Variants in SLC25A21 observed in about 807,000 individuals in gnomAD.
SLC25A21 encodes solute carrier family 25 member 21, also known as mitochondrial 2-oxodicarboxylate carrier.
SLC25A21 carries 47 observed loss-of-function variants against 43.8 expected under a neutral mutation model. The observed-to-expected ratio is 1.07, with a 90% confidence interval of 0.85 to 1.37. SLC25A21 has a LOEUF of 1.37. Among genes scored for constraint, SLC25A21 ranks in the 40% most tolerant of loss-of-function variants. The pLI, the probability that SLC25A21 is intolerant of heterozygous loss-of-function variation, is 0.00. For synonymous variants in SLC25A21, 131 were observed against 121.3 expected, an observed-to-expected ratio of 1.08 and a Z score of -0.52; for missense variants, 352 against 350.2, an observed-to-expected ratio of 1.00 and a Z score of -0.04.
intron 1 of SLC25A21, among the ~76,000 whole-genome samples, chr14:37,012,616 T>G (rs1176415087): frequency 6.6e-6 from 1 of 152,226 alleles, no homozygotes; most frequent in Non-Finnish European, 1.5e-5. Context: ...AGGCAAATTC[T>G]GACTCATTAT....
At chr14:36,932,973 G>C (rs1892332180) in intron 1 of SLC25A21, among the ~76,000 whole-genome samples, 1 of 152,020 alleles carries the variant, frequency 6.6e-6, no homozygotes, top group Non-Finnish European at 1.5e-5. Context: ...CTTAAAAAAA[G>C]AACTAAATAA....
In SLC25A21 at chr14:36,679,038, G is replaced by A; in HGVS notation, c.*1620C>T. ...TTTAAACTGGCAAATGCACTCTTCA[G>A]AAATCCTTTTCTATCTGATCCACAT... On this transcript the variant is annotated 3_prime_UTR_variant, in exon 10 of 10. Coordinates refer to ENST00000331299, the MANE Select transcript of SLC25A21 (RefSeq NM_030631.4). The A allele has an allele frequency of 1.0e-6, 1 of 985,426 alleles. No homozygotes were observed. The highest frequency in any genetic ancestry group is 1.2e-6 in the Non-Finnish European group (1 of 829,964). The allele number at this position is 985,426 out of a possible 1,614,324, so 61.0% of individuals were successfully genotyped here. A position where few individuals can be genotyped will look rare whatever the true frequency, so the allele number is the denominator to read the frequency against.
chr14:37,110,998 T>C lies in SLC25A21; in HGVS notation c.70+61283A>G, dbSNP rs187918152. 1.3e-4 allele frequency among the ~76,000 whole-genome samples: 20 copies of C among 152,222 alleles called. No individual in the cohort carries two copies. The South Asian group carries it at 3.7e-3, about 28-fold the overall frequency. ...ATCATAATGCTATTGAGCAAGTTAA[T>C]GCAAAATACAGTGGAATAATACCTA... On this transcript the variant is annotated intron_variant, in intron 1 of 9. Coordinates refer to ENST00000331299, the MANE Select transcript of SLC25A21 (RefSeq NM_030631.4).
At chr14:36,852,556 G>A (rs1001485702) in intron 2 of SLC25A21, among the ~76,000 whole-genome samples, 1 of 152,162 alleles carries the variant, frequency 6.6e-6, no homozygotes, top group Non-Finnish European at 1.5e-5. Context: ...GGACCAGAAA[G>A]TAATATATAG....
chr14:36,721,774 C>T (rs900431923), intron 6 of SLC25A21, among the ~76,000 whole-genome samples: 4 of 152,222 alleles, frequency 2.6e-5, no homozygotes, highest in Non-Finnish European at 5.9e-5. Flanking sequence ...AAGGTCTTCC[C>T]TGAAGGCAGG....
chr14:37,055,560 A>T (rs77293695), intron 1 of SLC25A21, among the ~76,000 whole-genome samples: 2 of 152,096 alleles, frequency 1.3e-5, no homozygotes, highest in Non-Finnish European at 2.9e-5. Flanking sequence ...CTCTTGAAAC[A>T]TTCTTTCTGG....
At chr14:36,971,494 C>T (rs1348410272) in intron 1 of SLC25A21, among the ~76,000 whole-genome samples, 6 of 152,054 alleles carry the variant, frequency 3.9e-5, no homozygotes, top group South Asian at 2.1e-4. Context: ...GCCTTTCCTG[C>T]GTCCTATGTA....
At chr14:37,119,347 G>A (rs761135209) in intron 1 of SLC25A21, among the ~76,000 whole-genome samples, 9 of 152,072 alleles carry the variant, frequency 5.9e-5, no homozygotes, top group African/African-American at 1.2e-4. Context: ...TCAGGCATTC[G>A]AGACCAGCCT....
At chr14:36,968,234 G>C (rs2138682828) in intron 1 of SLC25A21, among the ~76,000 whole-genome samples, 1 of 152,300 alleles carries the variant, frequency 6.6e-6, no homozygotes, top group East Asian at 1.9e-4. Flanking sequence ...TCCTGTTATT[G>C]GTCCACATGC....
At chr14:36,724,735 C>T (rs1365928426) in intron 6 of SLC25A21, among the ~76,000 whole-genome samples, 2 of 152,068 alleles carry the variant, frequency 1.3e-5, no homozygotes, top group Non-Finnish European at 2.9e-5. Flanking sequence ...TGTCAAGACC[C>T]GTCATTGTCC....
Position 36,775,716 on chromosome 14 carries a change from T to C in SLC25A21, c.203+38202A>G, listed in dbSNP as rs1364995183. ...CAAATAGAGGGGCACTCACTCTACTTTCTCCCGTTGTTAAAGGCTGTGAGT... is the reference window on the plus strand; with the variant it reads ...CAAATAGAGGGGCACTCACTCTACTCTCTCCCGTTGTTAAAGGCTGTGAGT... On this transcript the variant is annotated intron_variant, in intron 3 of 9. Transcript: ENST00000331299. Among the ~76,000 whole-genome samples, 4 of 152,178 alleles carry C rather than the reference T, an allele frequency of 2.6e-5. No homozygotes were observed. In the East Asian group the frequency reaches 7.7e-4, roughly 29 times the overall value.
At chr14:37,125,411 T>C (rs1963280530) in intron 1 of SLC25A21, among the ~76,000 whole-genome samples, 1 of 152,202 alleles carries the variant, frequency 6.6e-6, no homozygotes, top group South Asian at 2.1e-4. Flanking sequence ...TTCTGAAAAT[T>C]ATCTCATATC....
Position 36,683,821 on chromosome 14 carries a change from T to G in SLC25A21, c.838+7A>C. 1 of 1,593,684 alleles carries G rather than the reference T, an allele frequency of 6.3e-7. No individual in the cohort carries two copies. Among genetic ancestry groups the G allele is most frequent in the South Asian group, 1.1e-5 (1 of 87,772 alleles). ...AGGAAGGATTAAATAATCAAAATTA[T>G]CATTACCTGGTCCAAGTCTCATAAT... is the stretch of plus-strand genomic sequence containing the variant. On this transcript the variant is annotated splice_region_variant and intron_variant, in intron 9 of 9. Transcript: ENST00000331299.
At chr14:37,153,106 A>G (rs1963786899) in intron 1 of SLC25A21, among the ~76,000 whole-genome samples, 1 of 152,098 alleles carries the variant, frequency 6.6e-6, no homozygotes, top group Non-Finnish European at 1.5e-5. Context: ...AGATCATGCA[A>G]TCCTAGCCAC....
intron 2 of SLC25A21, among the ~76,000 whole-genome samples, chr14:36,839,045 C>T (rs848052): frequency 0.17 from 26,593 of 152,128 alleles, 2,765 homozygotes; most frequent in Middle Eastern, 0.26. Flanking sequence ...TACATTTACT[C>T]TATTTTTATT....
At chr14:36,905,956 T>C (rs1248834418) in intron 1 of SLC25A21, among the ~76,000 whole-genome samples, 3 of 152,100 alleles carry the variant, frequency 2.0e-5, no homozygotes, top group African/African-American at 7.2e-5. Context: ...AAGAACACAA[T>C]GACAGTGAAG....
intron 1 of SLC25A21, among the ~76,000 whole-genome samples, chr14:37,154,156 T>A (rs1963806561): frequency 6.6e-6 from 1 of 152,054 alleles, no homozygotes; most frequent in Admixed American, 6.6e-5. Context: ...ACCACTGTCA[T>A]CACTGGTGCC....
chr14:36,882,004 T>C (rs1180322586), intron 1 of SLC25A21, among the ~76,000 whole-genome samples: 1 of 152,244 alleles, frequency 6.6e-6, no homozygotes, highest in Admixed American at 6.5e-5. Context: ...TCTGCTTTAT[T>C]ATTACTAAGT....
chr14:36,763,546 C>T (rs769883477), intron 3 of SLC25A21, among the ~76,000 whole-genome samples: 3 of 152,106 alleles, frequency 2.0e-5, no homozygotes, highest in Non-Finnish European at 2.9e-5. Flanking sequence ...ACTGTTTGTG[C>T]TGGGTAAGAA....
Sources: gnomAD v4.1 joint callset for allele counts (sites outside exome capture counted in the v4.1 genomes callset) on GRCh38, gnomAD v4.1.1 for gene constraint, MANE v1.5 for transcripts, NCBI Gene and HGNC (gene_info 2026-07-23, HGNC 2026-07-21) for gene names.